SNX9: variants seen among roughly 807,000 people sequenced by gnomAD.
SNX9 encodes the protein sorting nexin 9, also known as sorting nexin-9.
Under a neutral mutation model 89.4 loss-of-function variants are expected in SNX9, and 44 were observed. The observed-to-expected ratio is 0.49, with a 90% CI of 0.39 to 0.63. The LOEUF (loss-of-function observed/expected upper bound fraction) is 0.63. Ranked by LOEUF, SNX9 falls within the 30% of genes least tolerant of loss-of-function variation. The pLI, the probability that SNX9 is intolerant of heterozygous loss-of-function variation, is 0.00. For missense variants in SNX9, 578 were observed against 736.1 expected, an observed-to-expected ratio of 0.79 and a Z score of 2.49; for synonymous variants, 236 against 247.8, an observed-to-expected ratio of 0.95 and a Z score of 0.45.
intron 11 of SNX9, 113 bp downstream of exon 11, chr6:157,927,327 G>T (rs756654067): frequency 4.0e-5 from 27 of 668,772 alleles, no homozygotes; most frequent in Non-Finnish European, 6.6e-5. Context: ...AGACTTTTAT[G>T]AAATGAGTGG....
At chr6:157,931,395 C>T (rs1471717838) in intron 12 of SNX9, among the ~76,000 whole-genome samples, 2 of 152,160 alleles carry the variant, frequency 1.3e-5, no homozygotes, top group Non-Finnish European at 2.9e-5. Context: ...TCCTTTAATA[C>T]TGCAGTGAGT....
intron 13 of SNX9, among the ~76,000 whole-genome samples, chr6:157,932,673 C>T (rs561436008): frequency 1.0e-3 from 154 of 151,856 alleles, no homozygotes; most frequent in African/African-American, 3.5e-3. Context: ...TGAGACCAGC[C>T]TGGGCAACAT....
chr6:157,887,896 G>A (rs534624576), intron 4 of SNX9, among the ~76,000 whole-genome samples: 5 of 152,180 alleles, frequency 3.3e-5, no homozygotes, highest in East Asian at 1.9e-4. Flanking sequence ...TTGTGGAACC[G>A]GGATTTGAAG....
intron 4 of SNX9, among the ~76,000 whole-genome samples, chr6:157,881,647 G>C (rs1284282703): frequency 6.6e-6 from 1 of 152,208 alleles, no homozygotes; most frequent in African/African-American, 2.4e-5. Context: ...TGAATGATAA[G>C]AAAGTGAAAT....
intron 10 of SNX9, among the ~76,000 whole-genome samples, chr6:157,926,769 A>T (rs1328673847): frequency 7.4e-6 from 1 of 134,702 alleles, no homozygotes; most frequent in African/African-American, 2.9e-5. Context: ...AGGCAAAGTG[A>T]GACTCTGTCT....
intron 9 of SNX9, among the ~76,000 whole-genome samples, chr6:157,919,953 C>CTGTTTGTTTGTT (rs150798579): frequency 8.6e-5 from 13 of 151,604 alleles, no homozygotes; most frequent in East Asian, 5.8e-4. Context: ...TCAGTTATTG[C>CTGTTTGTTTGTT]TGTTTGTTTG....
intron 9 of SNX9, among the ~76,000 whole-genome samples, chr6:157,915,922 A>G (rs115954868): frequency 0.025 from 3,839 of 151,004 alleles, 117 homozygotes; most frequent in African/African-American, 0.069. Context: ...TGTATTGCAT[A>G]TAGAGATCGC....
chr6:157,865,129 A>G (rs1782232142), intron 1 of SNX9, among the ~76,000 whole-genome samples: 1 of 152,146 alleles, frequency 6.6e-6, no homozygotes, highest in Admixed American at 6.5e-5. Flanking sequence ...ACCTGAGGTG[A>G]GGAGTTTGAG....
At chr6:157,929,104 A>T (rs1783756454) in intron 12 of SNX9, among the ~76,000 whole-genome samples, 1 of 152,200 alleles carries the variant, frequency 6.6e-6, no homozygotes, top group African/African-American at 2.4e-5. Flanking sequence ...AAACCAATAT[A>T]GTTAGTAGTA....
intron 1 of SNX9, among the ~76,000 whole-genome samples, chr6:157,866,486 ATTGC>A (rs763918172): frequency 6.6e-6 from 1 of 152,082 alleles, no homozygotes; most frequent in Non-Finnish European, 1.5e-5. Context: ...AGGTGGGAGG[ATTGC>A]TTGAGCCTGG....
At chr6:157,906,278 C>A in intron 7 of SNX9, 66 bp downstream of exon 7, 1 of 1,252,342 alleles carries the variant, frequency 8.0e-7, no homozygotes, top group Non-Finnish European at 1.1e-6. Context: ...TACTTTAAAG[C>A]TAAGCGAGTT....
rs373923512 is a variant in SNX9 at position 157,906,284 on chromosome 6, G to A, written c.705+72G>A. 142 of 1,182,372 alleles carry A rather than the reference G, an allele frequency of 1.2e-4. 2 individuals are homozygous for A. Among genetic ancestry groups the A allele is most frequent in the African/African-American group, 9.5e-4 (60 of 63,084 alleles). The allele number at this position is 1,182,372 out of a possible 1,614,324, so 73.2% of individuals were successfully genotyped here. A position where few individuals can be genotyped will look rare whatever the true frequency, so the allele number is the denominator to read the frequency against. On this transcript the variant is annotated intron_variant, in intron 7 of 17. Transcript: ENST00000392185. ...CTTATACCGTACTTTAAAGCTAAGC[G>A]AGTTATTCATCTTTTGGAAAGTATT... is the stretch of plus-strand genomic sequence containing the variant.
intron 1 of SNX9, among the ~76,000 whole-genome samples, chr6:157,835,484 C>T (rs1044308449): frequency 2.0e-5 from 3 of 148,994 alleles, no homozygotes; most frequent in Non-Finnish European, 4.4e-5. Context: ...GCAAACATGG[C>T]TCATTGAAGC....
At chr6:157,897,501 C>T (rs574492113) in intron 5 of SNX9, among the ~76,000 whole-genome samples, 119 of 151,964 alleles carry the variant, frequency 7.8e-4, no homozygotes, top group African/African-American at 2.8e-3. Flanking sequence ...TAGGCATGAT[C>T]GATTATTGTT....
chr6:157,867,599 T>C lies in SNX9; in HGVS notation c.65T>C (p.Val22Ala). Residue 22 changes from valine to alanine, a missense_variant, in exon 2 of 18, where the codon GTT becomes GCT. Physicochemically the swap from Val to Ala is moderately conservative, Grantham distance 64 (BLOSUM62 0). Transcript: ENST00000392185. ...AAEPGNNELT[V>A]NEGEIITITN... ...GAACCTGGAAATAATGAACTGACGG[T>C]TAATGAAGGAGAAATCATCACAATC... 6.2e-7 allele frequency: 1 copy of C among 1,612,748 alleles called. No individual in the cohort carries two copies. Among genetic ancestry groups the C allele is most frequent in the Non-Finnish European group, 8.5e-7 (1 of 1,179,012 alleles).
At chr6:157,844,977 A>G (rs776430825) in intron 1 of SNX9, among the ~76,000 whole-genome samples, 5 of 152,188 alleles carry the variant, frequency 3.3e-5, no homozygotes, top group Admixed American at 6.5e-5. Context: ...GAACAAGGAC[A>G]GCTTGGAAGT....
intron 16 of SNX9, among the ~76,000 whole-genome samples, chr6:157,939,943 ACTC>A (rs1784001700): frequency 6.7e-6 from 1 of 149,732 alleles, no homozygotes; most frequent in Non-Finnish European, 1.5e-5. Flanking sequence ...GATGACGAAG[ACTC>A]CTCTAGAGTT....
At chr6:157,856,523 C>T (rs924285176) in intron 1 of SNX9, among the ~76,000 whole-genome samples, 1 of 152,190 alleles carries the variant, frequency 6.6e-6, no homozygotes, top group Non-Finnish European at 1.5e-5. Flanking sequence ...AAAATGAATA[C>T]TTTTAAATAT....
intron 4 of SNX9, among the ~76,000 whole-genome samples, chr6:157,895,355 C>T (rs937004908): frequency 6.6e-6 from 1 of 152,154 alleles, no homozygotes; most frequent in African/African-American, 2.4e-5. Flanking sequence ...AGGTCCTGTT[C>T]TTAGTGAGTT....
Sources: allele counts gnomAD v4.1 joint callset (sites outside exome capture counted in the v4.1 genomes callset), GRCh38; gene constraint gnomAD v4.1.1; transcripts MANE v1.5; gene names NCBI Gene and HGNC (gene_info 2026-07-23, HGNC 2026-07-21).